PRKCA: variants seen among roughly 807,000 people sequenced by gnomAD.
PRKCA encodes protein kinase C alpha, also known as protein kinase C alpha type.
In PRKCA, 27 loss-of-function variants were observed where a neutral mutation model predicts 87.0. That is an observed-to-expected ratio of 0.31 (90% confidence interval 0.23 to 0.43). The LOEUF (loss-of-function observed/expected upper bound fraction) is 0.43. PRKCA is among the 20% of genes least tolerant of loss of function. PRKCA has a pLI of 1.00. For synonymous variants in PRKCA, 329 were observed against 311.1 expected (o/e 1.06, Z -0.61); for missense variants, 518 against 852.3 (o/e 0.61, Z 4.88).
In PRKCA at chr17:66,376,758, C is replaced by A. The variant is rs144689056; in HGVS notation, c.205+70631C>A. On this transcript the variant is annotated intron_variant, in intron 2 of 16. Coordinates refer to ENST00000413366, the MANE Select transcript of PRKCA (RefSeq NM_002737.3). ...ATATCTGGGGAGCCGTCCTGGGCAT[C>A]GGCATCTGGGAGAGGGGGTGAGGAT... 8.5e-5 allele frequency among the ~76,000 whole-genome samples: 13 copies of A among 152,248 alleles called. No individual in the cohort carries two copies. In the East Asian group the frequency reaches 2.5e-3, roughly 29 times the overall value.
intron 3 of PRKCA, among the ~76,000 whole-genome samples, chr17:66,570,936 C>T (rs1227987335): frequency 6.6e-6 from 1 of 152,148 alleles, no homozygotes; most frequent in African/African-American, 2.4e-5. Context: ...AATATTAAAT[C>T]TACATATGGA....
At position 66,679,514 on chromosome 17, in the gene PRKCA, T is replaced by TAAACCCC. The variant is rs1972434314; in HGVS notation, c.530-7596_530-7590dup. Among the ~76,000 whole-genome samples the TAAACCCC allele has an allele frequency of 3.3e-5, 5 of 152,188 alleles. No homozygotes were observed. In the South Asian group the frequency reaches 1.0e-3, roughly 32 times the overall value. The stretch of plus-strand genomic sequence containing the variant: ...ACCTTTAAATCAGGTGCAGCACCTT[T>TAAACCCC]AAACCCCTTCACTAAGTTCAAGGCA... On this transcript the variant is annotated intron_variant, in intron 5 of 16. Coordinates refer to ENST00000413366, the MANE Select transcript of PRKCA (RefSeq NM_002737.3).
chr17:66,534,540 G>A (rs981395253), intron 3 of PRKCA, among the ~76,000 whole-genome samples: 3 of 152,028 alleles, frequency 2.0e-5, no homozygotes, highest in South Asian at 2.1e-4. Context: ...GGTGGCGGGC[G>A]CCTGTAGTCC....
At chr17:66,620,361 C>T (rs1027885598) in intron 3 of PRKCA, among the ~76,000 whole-genome samples, 6 of 152,032 alleles carry the variant, frequency 3.9e-5, no homozygotes, top group African/African-American at 7.2e-5. Context: ...CAGTAAATGG[C>T]GATTCCACCT....
chr17:66,596,378 C>G (rs1008685883), intron 3 of PRKCA, among the ~76,000 whole-genome samples: 2 of 151,974 alleles, frequency 1.3e-5, no homozygotes, highest in Non-Finnish European at 2.9e-5. Flanking sequence ...CCTTTGCCCC[C>G]CTGCCTTCAC....
intron 5 of PRKCA, among the ~76,000 whole-genome samples, chr17:66,646,309 G>A (rs949048868): frequency 2.6e-5 from 4 of 152,070 alleles, no homozygotes; most frequent in Non-Finnish European, 5.9e-5. Flanking sequence ...ATCCACTTTC[G>A]GTTCATCGGC....
intron 2 of PRKCA, among the ~76,000 whole-genome samples, chr17:66,339,165 G>C (rs1367369225): frequency 6.6e-6 from 1 of 152,162 alleles, no homozygotes; most frequent in Non-Finnish European, 1.5e-5. Context: ...ATAGAGGATG[G>C]CTGGTTTTGG....
At chr17:66,418,875 C>T (rs952504464) in intron 2 of PRKCA, among the ~76,000 whole-genome samples, 4 of 151,886 alleles carry the variant, frequency 2.6e-5, no homozygotes, top group African/African-American at 9.7e-5. Flanking sequence ...CCTCAGCCTC[C>T]TGTGTAGCTG....
intron 3 of PRKCA, among the ~76,000 whole-genome samples, chr17:66,507,614 TG>T (rs1267935139): frequency 2.0e-5 from 3 of 152,046 alleles, no homozygotes; most frequent in Non-Finnish European, 4.4e-5. Flanking sequence ...TGGGACCGGG[TG>T]GGAGCTGGCA....
At chr17:66,342,474 TAA>T (rs942671897) in intron 2 of PRKCA, among the ~76,000 whole-genome samples, 1 of 138,752 alleles carries the variant, frequency 7.2e-6, no homozygotes, top group Non-Finnish European at 1.6e-5. Flanking sequence ...ATAATAATAA[TAA>T]TAATAATAAA....
chr17:66,665,258 G>C (rs549534989), intron 5 of PRKCA, among the ~76,000 whole-genome samples: 14 of 152,176 alleles, frequency 9.2e-5, no homozygotes, highest in African/African-American at 3.4e-4. Flanking sequence ...CATTTAAATG[G>C]AGGCATAGAG....
At chr17:66,782,368 C>G (rs901173743) in intron 14 of PRKCA, among the ~76,000 whole-genome samples, 2 of 152,060 alleles carry the variant, frequency 1.3e-5, no homozygotes, top group Admixed American at 6.5e-5. Context: ...TGATGGTATT[C>G]CAAAGCTGGG....
chr17:66,315,606 A>T (rs1247594884), intron 2 of PRKCA, among the ~76,000 whole-genome samples: 1 of 151,426 alleles, frequency 6.6e-6, no homozygotes, highest in Non-Finnish European at 1.5e-5. Flanking sequence ...CAGCCTCCCG[A>T]GTAGCTGGGA....
intron 8 of PRKCA, chr17:66,703,691 A>T (rs1432157985): frequency 6.6e-6 from 1 of 152,120 alleles, no homozygotes; most frequent in East Asian, 1.9e-4. Flanking sequence ...GCTACTTGGG[A>T]GGCTGAGGCA....
chr17:66,566,158 A>G (rs1968883344), intron 3 of PRKCA, among the ~76,000 whole-genome samples: 2 of 151,772 alleles, frequency 1.3e-5, no homozygotes, highest in African/African-American at 4.8e-5. Flanking sequence ...GCTAAGATGC[A>G]CTCTTGAACA....
intron 3 of PRKCA, among the ~76,000 whole-genome samples, chr17:66,586,645 A>G (rs1969606829): frequency 6.6e-6 from 1 of 152,194 alleles, no homozygotes. Flanking sequence ...ATGCTCAGTA[A>G]CAGAACACTG....
At chr17:66,371,759 G>A (rs1909121441) in intron 2 of PRKCA, among the ~76,000 whole-genome samples, 1 of 152,248 alleles carries the variant, frequency 6.6e-6, no homozygotes, top group South Asian at 2.1e-4. Flanking sequence ...GAGCAGGCAG[G>A]GTGCCATCGA....
chr17:66,441,743 T>C (rs1174397309), intron 2 of PRKCA, among the ~76,000 whole-genome samples: 4 of 152,170 alleles, frequency 2.6e-5, no homozygotes, highest in African/African-American at 9.7e-5. Context: ...ATAATACTTT[T>C]TTTTTCAGGT....
intron 5 of PRKCA, among the ~76,000 whole-genome samples, chr17:66,686,908 C>T (rs573771152): frequency 1.3e-5 from 2 of 152,274 alleles, no homozygotes; most frequent in Admixed American, 6.5e-5. Context: ...CCCACAAGGG[C>T]CCACACGATG....
Sources: gnomAD v4.1 joint callset for allele counts (sites outside exome capture counted in the v4.1 genomes callset) on GRCh38, gnomAD v4.1.1 for gene constraint, MANE v1.5 for transcripts, NCBI Gene and HGNC (gene_info 2026-07-23, HGNC 2026-07-21) for gene names.